CBFA2T3: variants seen among roughly 807,000 people sequenced by gnomAD.
CBFA2T3 encodes the protein transcriptional corepressor CBFA2T3.
CBFA2T3 carries 31 observed loss-of-function variants against 58.6 expected under a neutral mutation model. The ratio of observed to expected loss-of-function variants is 0.53; its 90% CI spans 0.40 to 0.71. CBFA2T3 has a LOEUF of 0.71. Among genes scored for constraint, CBFA2T3 ranks in the 30% least tolerant of loss-of-function variants. The probability of loss-of-function intolerance (pLI) is 0.00; values close to 1 mark genes in which losing one functional copy is unlikely to be tolerated. For missense variants in CBFA2T3, 1,076 were observed against 963.1 expected (o/e 1.12, Z -1.55); for synonymous variants, 531 against 421.9 (o/e 1.26, Z -3.17).
intron 1 of CBFA2T3, among the ~76,000 whole-genome samples, chr16:88,934,872 T>G (rs1410875918): frequency 6.6e-6 from 1 of 152,226 alleles, no homozygotes; most frequent in Non-Finnish European, 1.5e-5. Flanking sequence ...CCCCAGTAGC[T>G]GGGACTACAG....
At chr16:88,951,823 G>T (rs569386082) in intron 1 of CBFA2T3, among the ~76,000 whole-genome samples, 285 of 152,356 alleles carry the variant, frequency 1.9e-3, no homozygotes, top group Middle Eastern at 3.4e-3. Context: ...CTGGACAGCC[G>T]CTGGGAAGAG....
At chr16:88,915,403 C>A (rs55761036) in intron 1 of CBFA2T3, among the ~76,000 whole-genome samples, 1 of 21,194 alleles carries the variant, frequency 4.7e-5, no homozygotes, top group East Asian at 1.0e-3. Context: ...GAGGGGGGAG[C>A]GTGGAGGGGG....
chr16:88,976,035 C>T (rs984680712), intron 1 of CBFA2T3, among the ~76,000 whole-genome samples: 10 of 152,324 alleles, frequency 6.6e-5, no homozygotes, highest in Middle Eastern at 3.4e-3. Context: ...CCTGGGACTT[C>T]GCAGGCTCGG....
intron 1 of CBFA2T3, chr16:88,950,969 G>T (rs1462845125): frequency 2.3e-6 from 1 of 432,280 alleles, no homozygotes; most frequent in Non-Finnish European, 4.5e-6. Flanking sequence ...GCCACAGAGG[G>T]TCAGAGTGTT....
At chr16:88,976,316 G>A (rs1465404163) in intron 1 of CBFA2T3, among the ~76,000 whole-genome samples, 1 of 152,072 alleles carries the variant, frequency 6.6e-6, no homozygotes, top group Non-Finnish European at 1.5e-5. Flanking sequence ...CTCTTTCTAG[G>A]ACCCCCCCAT....
intron 1 of CBFA2T3, among the ~76,000 whole-genome samples, chr16:88,948,857 A>G (rs890300735): frequency 6.6e-6 from 1 of 152,180 alleles, no homozygotes; most frequent in African/African-American, 2.4e-5. Context: ...TCACACGAGA[A>G]CCAGGCCAAG....
In CBFA2T3 at chr16:88,896,095, G is replaced by A. The variant is rs544811025; in HGVS notation, c.379+1983C>T. On this transcript the variant is annotated intron_variant, in intron 3 of 11. Transcript: ENST00000268679. ...TTGCTCCATCCTGACTGGTTTTATGGGTCGGGTGTTGTGTGAGGCTGTTGG... is the reference window on the plus strand; with the variant it reads ...TTGCTCCATCCTGACTGGTTTTATGAGTCGGGTGTTGTGTGAGGCTGTTGG... 1.2e-3 allele frequency among the ~76,000 whole-genome samples: 178 copies of A among 152,306 alleles called. 1 individual carries two copies. Among genetic ancestry groups the A allele is most frequent in the African/African-American group, 4.0e-3 (165 of 41,572 alleles).
intron 5 of CBFA2T3, chr16:88,887,220 C>G (rs988018587): frequency 6.6e-6 from 1 of 152,314 alleles, no homozygotes. Flanking sequence ...GGCCCTCGAG[C>G]AGTGCCGGCT....
intron 1 of CBFA2T3, among the ~76,000 whole-genome samples, chr16:88,966,011 G>C (rs1972491739): frequency 1.3e-5 from 2 of 152,234 alleles, no homozygotes; most frequent in African/African-American, 2.4e-5. Context: ...GGAACAGAGA[G>C]ACCCCACAGA....
intron 1 of CBFA2T3, among the ~76,000 whole-genome samples, chr16:88,912,366 GTC>G (rs947773893): frequency 1.3e-5 from 2 of 152,220 alleles, no homozygotes; most frequent in South Asian, 2.1e-4. Flanking sequence ...TGGGCTGGGG[GTC>G]TCTCCGTCAG....
In CBFA2T3 at chr16:88,970,726, T is replaced by A. The variant is rs1972632670; in HGVS notation, c.151+5931A>T. On this transcript the variant is annotated intron_variant, in intron 1 of 11. Coordinates refer to ENST00000268679, the MANE Select transcript of CBFA2T3 (RefSeq NM_005187.6). ...AGGAGCACGGAGGCCTCGCCTCGCC[T>A]GGAGATGGAATAGACTCACGCCTTC... is the stretch of plus-strand genomic sequence containing the variant. Among the ~76,000 whole-genome samples, 2 of 152,198 alleles carry A rather than the reference T, an allele frequency of 1.3e-5. 1 individual carries two copies. The highest frequency in any genetic ancestry group is 2.9e-5 in the Non-Finnish European group (2 of 68,012).
rs556998165 is a variant in CBFA2T3, at chr16:88,918,215, C to T, written c.152-16559G>A. ...TTTCTCACCCCCACCCAAATGCAAA[C>T]ACGCGCACAAATGGCCTTTTGCTTC... is the stretch of plus-strand genomic sequence containing the variant. On this transcript the variant is annotated intron_variant, in intron 1 of 11. Coordinates refer to ENST00000268679, the MANE Select transcript of CBFA2T3 (RefSeq NM_005187.6). Among the ~76,000 whole-genome samples, 13 of 152,358 alleles carry T rather than the reference C, an allele frequency of 8.5e-5. No homozygotes were observed. The South Asian group carries it at 2.7e-3, about 32-fold the overall frequency.
At chr16:88,924,783 G>A (rs1971032613) in intron 1 of CBFA2T3, among the ~76,000 whole-genome samples, 1 of 152,318 alleles carries the variant, frequency 6.6e-6, no homozygotes, top group Middle Eastern at 3.4e-3. Flanking sequence ...CCAAGCAGGT[G>A]CAGGAAACCA....
Position 88,974,912 on chromosome 16 carries a change from T to A in CBFA2T3, c.151+1745A>T, listed in dbSNP as rs116057573. Among the ~76,000 whole-genome samples the A allele has an allele frequency of 3.9e-3, 591 of 152,252 alleles. 6 individuals carry two copies. Among genetic ancestry groups the A allele is most frequent in the African/African-American group, 0.014 (568 of 41,550 alleles). On this transcript the variant is annotated intron_variant, in intron 1 of 11. Transcript: ENST00000268679. ...GAAGCCCCAAGTGCTGGTATTCACA[T>A]GTAACTCTGCTGCCTGATGTGGCTA...
intron 1 of CBFA2T3, among the ~76,000 whole-genome samples, chr16:88,943,764 A>T (rs1289829310): frequency 6.6e-6 from 1 of 152,140 alleles, no homozygotes; most frequent in Non-Finnish European, 1.5e-5. Flanking sequence ...TTATCCAAGA[A>T]CTGGTTTCTT....
chr16:88,963,686 G>A (rs770133388), intron 1 of CBFA2T3, among the ~76,000 whole-genome samples: 4 of 152,234 alleles, frequency 2.6e-5, no homozygotes, highest in Non-Finnish European at 4.4e-5. Context: ...GAAGCACCGC[G>A]CTGCAGTGCG....
intron 2 of CBFA2T3, among the ~76,000 whole-genome samples, chr16:88,900,413 C>T (rs1202458894): frequency 6.6e-6 from 1 of 152,264 alleles, no homozygotes; most frequent in African/African-American, 2.4e-5. Flanking sequence ...CTCGGCGGAG[C>T]AGGCCCCCAG....
intron 1 of CBFA2T3, among the ~76,000 whole-genome samples, chr16:88,905,550 G>T (rs1275347919): frequency 6.6e-6 from 1 of 151,696 alleles, no homozygotes; most frequent in South Asian, 2.1e-4. Context: ...GCCTTCAAAG[G>T]AAGGCCCCCA....
chr16:88,968,960 G>A (rs1197429277), intron 1 of CBFA2T3, among the ~76,000 whole-genome samples: 2 of 152,268 alleles, frequency 1.3e-5, no homozygotes, highest in East Asian at 3.9e-4. Context: ...CACAAATCGG[G>A]GGCCAGGAGC....
Sources: gnomAD v4.1 joint callset for allele counts (sites outside exome capture counted in the v4.1 genomes callset) on GRCh38, gnomAD v4.1.1 for gene constraint, MANE v1.5 for transcripts, NCBI Gene and HGNC (gene_info 2026-07-23, HGNC 2026-07-21) for gene names.